Variants in LARGE1 observed in about 807,000 individuals in gnomAD.
LARGE1 encodes the protein LARGE xylosyl- and glucuronyltransferase 1.
A neutral mutation model predicts 87.6 loss-of-function variants in LARGE1; 43 were observed. The ratio of observed to expected loss-of-function variants is 0.49; its 90% CI spans 0.38 to 0.63. The LOEUF (loss-of-function observed/expected upper bound fraction) is 0.63, where lower values mean the gene tolerates loss of function less well. Ranked by LOEUF, LARGE1 falls within the 30% of genes least tolerant of loss-of-function variation. The pLI, the probability that LARGE1 is intolerant of heterozygous loss-of-function variation, is 0.00. For synonymous variants in LARGE1, 434 were observed against 394.6 expected (o/e 1.10, Z -1.18); for missense variants, 802 against 1,000.2 (o/e 0.80, Z 2.67).
chr22:33,381,241 T>G (rs759323878), intron 9 of LARGE1, among the ~76,000 whole-genome samples: 1 of 152,180 alleles, frequency 6.6e-6, no homozygotes, highest in Non-Finnish European at 1.5e-5. Flanking sequence ...ATCAACTATA[T>G]AAATGGTTGC....
At chr22:33,293,907 C>T (rs1195978135) in intron 12 of LARGE1, among the ~76,000 whole-genome samples, 1 of 152,250 alleles carries the variant, frequency 6.6e-6, no homozygotes, top group Non-Finnish European at 1.5e-5. Context: ...TGTCCCCTCA[C>T]TGTCAAGTCT....
rs554934031 is a variant in LARGE1 at position 33,310,556 on chromosome 22, C to T, written c.1451+5529G>A. On this transcript the variant is annotated intron_variant, in intron 11 of 14. Coordinates refer to ENST00000397394, the MANE Select transcript of LARGE1 (RefSeq NM_133642.5). ...CCAGAGGGAGCTGCGTACGGGAGTG[C>T]GAAGGCCGGCTCTCCTAATTCGTTG... Among the ~76,000 whole-genome samples, 15 of 152,188 alleles carry T rather than the reference C, an allele frequency of 9.9e-5. No individual in the cohort carries two copies. The Middle Eastern group carries it at 0.01, about 104-fold the overall frequency.
At chr22:33,275,092 CAA>C (rs58146221) in intron 14 of LARGE1, among the ~76,000 whole-genome samples, 5,055 of 152,138 alleles carry the variant, frequency 0.033, 275 homozygotes, top group African/African-American at 0.12. Flanking sequence ...CAGATGAGTG[CAA>C]AAGAGGGTAC....
chr22:33,188,703 A>G (rs1204041417), intron 11 of LARGE1, among the ~76,000 whole-genome samples: 1 of 152,130 alleles, frequency 6.6e-6, no homozygotes, highest in Non-Finnish European at 1.5e-5. Context: ...TGACAATTGG[A>G]GCTGGAGGAG....
intron 11 of LARGE1, among the ~76,000 whole-genome samples, chr22:33,310,292 T>C (rs992494883): frequency 6.6e-6 from 1 of 152,162 alleles, no homozygotes; most frequent in Non-Finnish European, 1.5e-5. Flanking sequence ...GTCATCCCCA[T>C]GAGGCCCCGC....
chr22:33,085,762 C>T, the LARGE1 span, among the ~76,000 whole-genome samples: 21 of 152,256 alleles, frequency 1.4e-4, no homozygotes, highest in South Asian at 1.7e-3. Context: ...CTTGCTGAGT[C>T]ACAAATAAAC....
chr22:33,213,971 G>C (rs1422183201), intron 11 of LARGE1, among the ~76,000 whole-genome samples: 1 of 152,142 alleles, frequency 6.6e-6, no homozygotes, highest in Non-Finnish European at 1.5e-5. Flanking sequence ...TGGGACTACA[G>C]CCGCCCGCCA....
intron 6 of LARGE1, among the ~76,000 whole-genome samples, chr22:33,491,939 C>A (rs954462743): frequency 1.3e-5 from 2 of 152,050 alleles, no homozygotes; most frequent in African/African-American, 4.8e-5. Flanking sequence ...GATGAAAGGC[C>A]GACCCCTTGA....
intron 6 of LARGE1, among the ~76,000 whole-genome samples, chr22:33,477,434 T>C (rs2148166966): frequency 6.6e-6 from 1 of 152,316 alleles, no homozygotes; most frequent in Middle Eastern, 3.4e-3. Flanking sequence ...GCTTGTTCTT[T>C]TGGGTTCAAC....
chr22:33,886,756 A>ACT (rs1267461591), intron 1 of LARGE1, among the ~76,000 whole-genome samples: 2 of 151,964 alleles, frequency 1.3e-5, no homozygotes, highest in Non-Finnish European at 2.9e-5. Context: ...GTAAGACATT[A>ACT]AAATTAAAAA....
the LARGE1 span, chr22:33,108,419 T>C: frequency 2.6e-5 from 4 of 152,136 alleles, no homozygotes; most frequent in Non-Finnish European, 5.9e-5. Context: ...AGGAGTGGTT[T>C]TTCTGCAGAA....
intron 6 of LARGE1, among the ~76,000 whole-genome samples, chr22:33,435,028 T>G (rs1370986347): frequency 6.6e-6 from 1 of 152,176 alleles, no homozygotes; most frequent in Non-Finnish European, 1.5e-5. Context: ...TGAGATGGAG[T>G]CTTGCTCTGT....
chr22:33,677,402 AT>A (rs1188059704), intron 2 of LARGE1, among the ~76,000 whole-genome samples: 1 of 152,118 alleles, frequency 6.6e-6, no homozygotes, highest in Non-Finnish European at 1.5e-5. Flanking sequence ...AAGTATTCTG[AT>A]TCTTGCAGGA....
chr22:33,737,274 C>T (rs2083688403), intron 2 of LARGE1, among the ~76,000 whole-genome samples: 1 of 152,178 alleles, frequency 6.6e-6, no homozygotes, highest in Non-Finnish European at 1.5e-5. Flanking sequence ...GGGCTTTTGT[C>T]TCATTCACTC....
At chr22:33,459,704 C>T (rs2148000148) in intron 6 of LARGE1, among the ~76,000 whole-genome samples, 1 of 151,476 alleles carries the variant, frequency 6.6e-6, no homozygotes. Flanking sequence ...TTACATTACA[C>T]CGCCAGCCCA....
the LARGE1 span, among the ~76,000 whole-genome samples, chr22:33,106,985 C>A: frequency 6.6e-6 from 1 of 152,150 alleles, no homozygotes; most frequent in Non-Finnish European, 1.5e-5. Flanking sequence ...AAGAATAATT[C>A]AGGGTTGGTT....
At chr22:33,457,474 T>C (rs906439172) in intron 6 of LARGE1, among the ~76,000 whole-genome samples, 3 of 151,864 alleles carry the variant, frequency 2.0e-5, no homozygotes, top group African/African-American at 7.3e-5. Context: ...TATTTCTTAA[T>C]TCAATAAACA....
intron 2 of LARGE1, among the ~76,000 whole-genome samples, chr22:33,700,503 C>T (rs2082374344): frequency 6.6e-6 from 1 of 152,078 alleles, no homozygotes; most frequent in Non-Finnish European, 1.5e-5. Context: ...TGAGGGCTGG[C>T]GGGGGTGCCA....
At chr22:33,374,668 T>C (rs896976318) in intron 9 of LARGE1, among the ~76,000 whole-genome samples, 3 of 152,220 alleles carry the variant, frequency 2.0e-5, no homozygotes, top group Non-Finnish European at 4.4e-5. Flanking sequence ...AAATATTAAA[T>C]GATTAGTCTT....
Sources: allele counts gnomAD v4.1 joint callset (sites outside exome capture counted in the v4.1 genomes callset), GRCh38; gene constraint gnomAD v4.1.1; transcripts MANE v1.5; gene names NCBI Gene and HGNC (gene_info 2026-07-23, HGNC 2026-07-21).